Variants in WDR41 observed in about 807,000 individuals in gnomAD.
WDR41 encodes the protein WD repeat domain 41, also known as WD repeat-containing protein 41.
Under a neutral mutation model 69.3 loss-of-function variants are expected in WDR41, and 63 were observed. That is an observed-to-expected ratio of 0.91 (90% confidence interval 0.74 to 1.12). WDR41 has a LOEUF of 1.12. WDR41 is among the 50% of genes most tolerant of loss of function. The pLI is 0.00. For missense variants in WDR41, 543 were observed against 534.5 expected (o/e 1.02, Z -0.16); for synonymous variants, 185 against 192.1 (o/e 0.96, Z 0.31).
At chr5:77,506,114 G>A (rs1350772325) in intron 1 of WDR41, among the ~76,000 whole-genome samples, 1 of 152,116 alleles carries the variant, frequency 6.6e-6, no homozygotes, top group Non-Finnish European at 1.5e-5. Flanking sequence ...TACAGAATGC[G>A]AGAAAATTTT....
chr5:77,473,185 A>G (rs1318232339), intron 2 of WDR41, among the ~76,000 whole-genome samples: 3 of 152,200 alleles, frequency 2.0e-5, no homozygotes, highest in Non-Finnish European at 4.4e-5. Flanking sequence ...CAAAAACAAG[A>G]AATGGGGAAA....
At chr5:77,597,478 C>G (rs984904561) in intron 1 of WDR41, among the ~76,000 whole-genome samples, 2 of 152,128 alleles carry the variant, frequency 1.3e-5, no homozygotes, top group African/African-American at 4.8e-5. Context: ...TCATCAGAGT[C>G]GTGATTAGGC....
chr5:77,546,003 C>A, intron 1 of WDR41: 1 of 492,258 alleles, frequency 2.0e-6, no homozygotes, highest in Non-Finnish European at 3.5e-6. Flanking sequence ...GGCATCATCT[C>A]GGCCCCTGTG....
chr5:77,438,095 C>G (rs1033476603), intron 10 of WDR41, 145 bp downstream of exon 10: 24 of 1,165,410 alleles, frequency 2.1e-5, no homozygotes, highest in African/African-American at 6.2e-5. Context: ...CTGTTAGAGA[C>G]AGCCCTCAGG....
At chr5:77,499,729 C>T (rs1247016645) in intron 1 of WDR41, 2 of 152,126 alleles carry the variant, frequency 1.3e-5, no homozygotes, top group Non-Finnish European at 2.9e-5. Context: ...AAAGCAACCC[C>T]AATTACTTTT....
chr5:77,547,385 C>T (rs1344880660), intron 1 of WDR41, among the ~76,000 whole-genome samples: 1 of 152,034 alleles, frequency 6.6e-6, no homozygotes, highest in African/African-American at 2.4e-5. Context: ...AAGACTCCTC[C>T]AGAAAGCTCC....
chr5:77,462,003 G>A (rs895637541), intron 4 of WDR41, among the ~76,000 whole-genome samples: 2 of 152,158 alleles, frequency 1.3e-5, no homozygotes, highest in African/African-American at 4.8e-5. Context: ...GCAGTGGTTC[G>A]GGGCTCTGAC....
intron 2 of WDR41, among the ~76,000 whole-genome samples, chr5:77,481,764 G>A (rs912027478): frequency 2.3e-4 from 31 of 136,520 alleles, no homozygotes; most frequent in African/African-American, 7.1e-4. Context: ...CAGCCTGGGC[G>A]ACAGAGCGAG....
intron 1 of WDR41, among the ~76,000 whole-genome samples, chr5:77,547,412 A>T (rs1743217744): frequency 6.6e-6 from 1 of 152,082 alleles, no homozygotes; most frequent in South Asian, 2.1e-4. Context: ...TGATAAAAGA[A>T]TTCAGCAAAG....
chr5:77,613,825 A>C (rs1039458452), intron 1 of WDR41, among the ~76,000 whole-genome samples: 7 of 152,220 alleles, frequency 4.6e-5, no homozygotes, highest in East Asian at 3.8e-4. Flanking sequence ...AGCTTCTGCA[A>C]AGCAAAAGAA....
chr5:77,570,793 C>T (rs896624479), intron 1 of WDR41, among the ~76,000 whole-genome samples: 6 of 151,806 alleles, frequency 4.0e-5, no homozygotes, highest in African/African-American at 1.2e-4. Flanking sequence ...TTAAAAACTT[C>T]AGTTACATCT....
upstream of WDR41, among the ~76,000 whole-genome samples, chr5:77,496,719 T>C (rs1801940847): frequency 6.6e-6 from 1 of 152,090 alleles, no homozygotes; most frequent in Admixed American, 6.5e-5. Context: ...GCAATCTCTA[T>C]CAAAATTTCA....
chr5:77,503,907 G>A (rs963840244), intron 1 of WDR41, among the ~76,000 whole-genome samples: 1 of 152,072 alleles, frequency 6.6e-6, no homozygotes, highest in Non-Finnish European at 1.5e-5. Context: ...AGCACTAAAT[G>A]CCCACAAGGG....
intron 1 of WDR41, among the ~76,000 whole-genome samples, chr5:77,512,065 T>A (rs531315343): frequency 6.6e-6 from 1 of 152,206 alleles, no homozygotes; most frequent in Non-Finnish European, 1.5e-5. Context: ...CAATATTATG[T>A]CTTTATCTAG....
At chr5:77,500,652 C>A (rs1024645848) in intron 1 of WDR41, among the ~76,000 whole-genome samples, 1 of 152,056 alleles carries the variant, frequency 6.6e-6, no homozygotes, top group Admixed American at 6.6e-5. Flanking sequence ...CCTAAGTAGT[C>A]CCATAACCAT....
intron 1 of WDR41, among the ~76,000 whole-genome samples, chr5:77,617,410 A>G (rs928592603): frequency 1.2e-4 from 18 of 152,204 alleles, no homozygotes; most frequent in African/African-American, 4.1e-4. Flanking sequence ...ACACACACAG[A>G]TGCATTAAAT....
chr5:77,475,327 G>A (rs777777482), intron 2 of WDR41, among the ~76,000 whole-genome samples: 16 of 152,316 alleles, frequency 1.1e-4, no homozygotes, highest in Non-Finnish European at 1.6e-4. Flanking sequence ...AGCTCAAGGA[G>A]GCCTGCCTGC....
In WDR41 at chr5:77,433,171, T is replaced by C. The variant is rs72769029; in HGVS notation, c.1344A>G (p.Lys448=). The part of the protein sequence containing the change: ...SGLRSLRLFQ[K]LEENGDLYLA... ...GGTATAAGTCACCATTCTCCTCTAA[T>C]TTTTGAAATAATCTTAAACTGCGCA... The change falls in exon 13 of 13, where the codon AAA becomes AAG. Residue 448 remains lysine, a synonymous_variant. Transcript: ENST00000296679. 0.025 allele frequency: 39,794 copies of C among 1,613,670 alleles called. 575 individuals carry two copies. The highest frequency in any genetic ancestry group is 0.056 in the Middle Eastern group (341 of 6,054).
At chr5:77,517,631 CAT>C (rs34773798) in intron 1 of WDR41, among the ~76,000 whole-genome samples, 63,699 of 140,360 alleles carry the variant, frequency 0.45, 14,375 homozygotes, top group East Asian at 0.63. Flanking sequence ...ATTTATTGAA[CAT>C]ATATATATAT....
Sources: allele counts gnomAD v4.1 joint callset (sites outside exome capture counted in the v4.1 genomes callset), GRCh38; gene constraint gnomAD v4.1.1; transcripts MANE v1.5; gene names NCBI Gene and HGNC (gene_info 2026-07-23, HGNC 2026-07-21).